ENTREP2: variants seen among roughly 807,000 people sequenced by gnomAD.
ENTREP2 encodes protein ENTREP2.
the ENTREP2 span, among the ~76,000 whole-genome samples, chr15:29,668,260 G>C: frequency 6.6e-6 from 1 of 152,142 alleles, no homozygotes; most frequent in Non-Finnish European, 1.5e-5. Context: ...TTGCCAGTCC[G>C]GGGAAACGCA....
the ENTREP2 span, among the ~76,000 whole-genome samples, chr15:29,469,889 C>T: frequency 3.3e-5 from 5 of 152,140 alleles, no homozygotes; most frequent in South Asian, 2.1e-4. Flanking sequence ...TAAACTGCCA[C>T]CTCCATATTT....
At chr15:29,637,048 A>T in the ENTREP2 span, among the ~76,000 whole-genome samples, 1 of 152,256 alleles carries the variant, frequency 6.6e-6, no homozygotes, top group African/African-American at 2.4e-5. Context: ...TCAAAAACAC[A>T]GGACAGGAAG....
the ENTREP2 span, among the ~76,000 whole-genome samples, chr15:29,298,568 G>A: frequency 6.6e-6 from 1 of 151,980 alleles, no homozygotes; most frequent in Non-Finnish European, 1.5e-5. Context: ...GCTAATAAGA[G>A]GATATTATCA....
chr15:29,378,404 C>T, the ENTREP2 span, among the ~76,000 whole-genome samples: 111 of 152,234 alleles, frequency 7.3e-4, no homozygotes, highest in African/African-American at 2.6e-3. Context: ...TTAGTCAACT[C>T]GGCTAGACCA....
At chr15:29,511,104 T>C in the ENTREP2 span, among the ~76,000 whole-genome samples, 1 of 152,140 alleles carries the variant, frequency 6.6e-6, no homozygotes, top group Middle Eastern at 3.4e-3. Context: ...GACGGGTTGA[T>C]GGGTGCAGCA....
the ENTREP2 span, among the ~76,000 whole-genome samples, chr15:29,217,014 G>A: frequency 6.6e-6 from 1 of 152,240 alleles, no homozygotes; most frequent in East Asian, 1.9e-4. Context: ...TAGGAAGGGG[G>A]GGTCTAGTTA....
the ENTREP2 span, among the ~76,000 whole-genome samples, chr15:29,433,125 G>A: frequency 1.3e-5 from 2 of 152,246 alleles, no homozygotes; most frequent in South Asian, 2.1e-4. Context: ...AGCCCCCGAC[G>A]GTCCTGGCAC....
the ENTREP2 span, among the ~76,000 whole-genome samples, chr15:29,626,208 T>C: frequency 7.8e-4 from 119 of 152,318 alleles, no homozygotes; most frequent in Middle Eastern, 6.8e-3. Flanking sequence ...CTCACTTAGC[T>C]CTAGGAGTTT....
At chr15:29,657,910 G>A in the ENTREP2 span, among the ~76,000 whole-genome samples, 723 of 152,160 alleles carry the variant, frequency 4.8e-3, 2 homozygotes, top group Non-Finnish European at 7.2e-3. Flanking sequence ...AGTAAAAAAG[G>A]AATGAACTAC....
the ENTREP2 span, among the ~76,000 whole-genome samples, chr15:29,420,313 C>A: frequency 6.6e-6 from 1 of 152,116 alleles, no homozygotes; most frequent in African/African-American, 2.4e-5. Flanking sequence ...CATCCACAGG[C>A]TTCAAGCAAG....
chr15:29,403,334 A>C, the ENTREP2 span, among the ~76,000 whole-genome samples: 2 of 152,164 alleles, frequency 1.3e-5, no homozygotes, highest in Non-Finnish European at 2.9e-5. Context: ...AAAAAGTATG[A>C]AGTGGGAAGG....
At chr15:29,426,609 A>G in the ENTREP2 span, among the ~76,000 whole-genome samples, 4 of 152,070 alleles carry the variant, frequency 2.6e-5, no homozygotes, top group South Asian at 2.1e-4. Context: ...CACTAATCCA[A>G]TGTTGGTCAT....
the ENTREP2 span, among the ~76,000 whole-genome samples, chr15:29,136,034 C>T: frequency 6.6e-6 from 1 of 152,208 alleles, no homozygotes; most frequent in East Asian, 1.9e-4. Flanking sequence ...TGGGCTGTGA[C>T]TCGTGGCTGC....
the ENTREP2 span, among the ~76,000 whole-genome samples, chr15:29,424,155 A>C: frequency 2.6e-5 from 4 of 152,342 alleles, no homozygotes; most frequent in South Asian, 8.3e-4. Flanking sequence ...GTTATAGCTC[A>C]TAAAGGTAAT....
chr15:29,448,075 C>CA, the ENTREP2 span, among the ~76,000 whole-genome samples: 441 of 144,136 alleles, frequency 3.1e-3, 1 homozygote, highest in Admixed American at 4.5e-3. Flanking sequence ...CTCTCTGTCT[C>CA]AAAAAAAAAA....
chr15:29,526,868 C>G, the ENTREP2 span, among the ~76,000 whole-genome samples: 2 of 152,044 alleles, frequency 1.3e-5, no homozygotes, highest in African/African-American at 2.4e-5. Flanking sequence ...CCCACTCTCC[C>G]TTCCATCACT....
the ENTREP2 span, among the ~76,000 whole-genome samples, chr15:29,659,710 A>T: frequency 6.6e-6 from 1 of 152,118 alleles, no homozygotes; most frequent in African/African-American, 2.4e-5. Context: ...CCTCAACCTT[A>T]TGCTTATGGG....
chr15:29,563,798 T>C, the ENTREP2 span, among the ~76,000 whole-genome samples: 5 of 151,714 alleles, frequency 3.3e-5, no homozygotes, highest in South Asian at 8.3e-4. Flanking sequence ...GATTGCTTCA[T>C]TGCACTCCAG....
chr15:29,530,146 G>A, the ENTREP2 span, among the ~76,000 whole-genome samples: 132 of 152,138 alleles, frequency 8.7e-4, no homozygotes, highest in African/African-American at 3.0e-3. Flanking sequence ...GGGAGGGGAC[G>A]CTCCAGAAAA....
Sources: gnomAD v4.1 joint callset for allele counts (sites outside exome capture counted in the v4.1 genomes callset) on GRCh38, gnomAD v4.1.1 for gene constraint, MANE v1.5 for transcripts, NCBI Gene and HGNC (gene_info 2026-07-23, HGNC 2026-07-21) for gene names.